IL6ST: variants seen among roughly 807,000 people sequenced by gnomAD.
IL6ST encodes interleukin-6 receptor subunit beta.
In IL6ST, 24 loss-of-function variants were observed where a neutral mutation model predicts 91.3. The ratio of observed to expected loss-of-function variants is 0.26; its 90% CI spans 0.19 to 0.37. The LOEUF is 0.37. Ranked by LOEUF, IL6ST falls within the 10% of genes least tolerant of loss-of-function variation. The pLI is 1.00. For synonymous variants in IL6ST, 351 were observed against 373.6 expected, an observed-to-expected ratio of 0.94 and a Z score of 0.70; for missense variants, 914 against 1,078.5, an observed-to-expected ratio of 0.85 and a Z score of 2.14.
chr5:55,951,630 A>G (rs748856196), intron 13 of IL6ST, 26 bp from the exon 14 acceptor site: 1 of 1,595,894 alleles, frequency 6.3e-7, no homozygotes. Context: ...ACTGTGCTTC[A>G]TTCAACTATT....
intron 2 of IL6ST, among the ~76,000 whole-genome samples, chr5:55,981,860 A>C (rs1753695240): frequency 6.6e-6 from 1 of 152,216 alleles, no homozygotes; most frequent in Non-Finnish European, 1.5e-5. Flanking sequence ...ATGAAGCCAA[A>C]ACCTAACTAG....
chr5:55,958,828 G>A (rs1454822010), intron 8 of IL6ST, among the ~76,000 whole-genome samples: 3 of 147,060 alleles, frequency 2.0e-5, no homozygotes, highest in African/African-American at 7.6e-5. Flanking sequence ...AATAGAGTGA[G>A]GCACTATTTC....
At chr5:55,960,332 T>A (rs1752234998) in intron 8 of IL6ST, 70 bp downstream of exon 8, 1 of 1,222,440 alleles carries the variant, frequency 8.2e-7, no homozygotes, top group Non-Finnish European at 1.2e-6. Flanking sequence ...GAGGCTATAT[T>A]ATTAAAACCA....
intron 6 of IL6ST, among the ~76,000 whole-genome samples, 187 bp from the exon 7 acceptor site, chr5:55,963,693 T>C (rs1463772311): frequency 6.6e-6 from 1 of 152,180 alleles, no homozygotes; most frequent in African/African-American, 2.4e-5. Flanking sequence ...CTAAAGAATC[T>C]TCAGTTCTCC....
chr5:55,954,754 G>C (rs1191076234), intron 11 of IL6ST, 56 bp downstream of exon 11: 2 of 1,342,636 alleles, frequency 1.5e-6, no homozygotes, highest in Admixed American at 2.3e-5. Context: ...AAAAGAAAAA[G>C]CTGCCTAAAG....
intron 2 of IL6ST, among the ~76,000 whole-genome samples, chr5:55,980,188 C>T (rs1266480534): frequency 1.3e-5 from 2 of 152,222 alleles, no homozygotes; most frequent in African/African-American, 2.4e-5. Context: ...ACCATATACT[C>T]TGCAGCCTTG....
At position 55,947,511 on chromosome 5, in the gene IL6ST, C is replaced by T. The variant is rs1751341121; in HGVS notation, c.1919G>A (p.Cys640Tyr). ...LLTTLLGVLFCFNKRDLIKKH... is the reference protein window; with the variant it reads ...LLTTLLGVLFYFNKRDLIKKH... Reference sequence around the variant, plus strand: ...TACTTACAGGTCTCGCTTATTAAAGCAGAACAGCACTCCCAGAAGAGTTGT... The same window carrying T: ...TACTTACAGGTCTCGCTTATTAAAGTAGAACAGCACTCCCAGAAGAGTTGT... Residue 640 changes from cysteine (C) to tyrosine (Y), a missense_variant, in exon 15 of 17, where the codon TGC becomes TAC. Physicochemically the swap from Cys to Tyr is radical, Grantham distance 194. Coordinates refer to ENST00000381298, the MANE Select transcript of IL6ST (RefSeq NM_002184.4). The T allele has an allele frequency of 6.4e-7, 1 of 1,552,154 alleles. No homozygotes were observed. Among genetic ancestry groups the T allele is most frequent in the Middle Eastern group, 2.1e-4 (1 of 4,806 alleles).
At chr5:55,981,384 C>A (rs749951244) in intron 2 of IL6ST, among the ~76,000 whole-genome samples, 18 of 152,148 alleles carry the variant, frequency 1.2e-4, no homozygotes, top group Non-Finnish European at 2.2e-4. Context: ...GTGGCTCATG[C>A]CTGTAATCCC....
intron 15 of IL6ST, among the ~76,000 whole-genome samples, chr5:55,945,448 A>C (rs1045238634): frequency 6.6e-6 from 1 of 152,088 alleles, no homozygotes; most frequent in African/African-American, 2.4e-5. Flanking sequence ...CATCTGAAGG[A>C]ACAAAATGAA....
intron 14 of IL6ST, among the ~76,000 whole-genome samples, chr5:55,948,727 C>G (rs1156351247): frequency 1.3e-5 from 2 of 152,152 alleles, no homozygotes; most frequent in African/African-American, 2.4e-5. Context: ...TTTGCTCATG[C>G]TGCTCTCTAA....
At chr5:55,982,932 T>C (rs1753745153) in intron 1 of IL6ST, 121 bp from the exon 2 acceptor site, 2 of 392,184 alleles carry the variant, frequency 5.1e-6, no homozygotes, top group Non-Finnish European at 4.5e-6. Context: ...CTACTTTAGA[T>C]ATGTTCTGAG....
At chr5:55,974,634 G>A (rs1439513839) in intron 3 of IL6ST, among the ~76,000 whole-genome samples, 5 of 151,918 alleles carry the variant, frequency 3.3e-5, no homozygotes, top group African/African-American at 9.7e-5. Context: ...ACAGGCGTGC[G>A]GCACTACCGC....
chr5:55,988,455 C>CA, intron 1 of IL6ST, among the ~76,000 whole-genome samples: 1 of 152,182 alleles, frequency 6.6e-6, no homozygotes, highest in East Asian at 1.9e-4. Context: ...ACATAACAGT[C>CA]AAACAAAACA....
chr5:55,941,334 C>T lies in IL6ST; in HGVS notation c.2505G>A (p.Lys835=), dbSNP rs1380056117. 6 of 1,614,076 alleles carry T rather than the reference C, an allele frequency of 3.7e-6. No individual in the cohort carries two copies. Among genetic ancestry groups the T allele is most frequent in the Non-Finnish European group, 4.2e-6 (5 of 1,179,986 alleles). ...SPDISHFERS[K]QVSSVNEEDF... is the part of the protein sequence containing the mutation. ...CTTCCTCATTGACTGATGAAACTTG[C>T]TTTGACCTTTCAAAATGTGAAATAT... Residue 835 remains lysine, a synonymous_variant, in exon 17 of 17, where the codon AAG becomes AAA. Transcript: ENST00000381298.
At chr5:55,980,416 G>T (rs535271076) in intron 2 of IL6ST, among the ~76,000 whole-genome samples, 1 of 152,114 alleles carries the variant, frequency 6.6e-6, no homozygotes, top group African/African-American at 2.4e-5. Flanking sequence ...TGGGCGTGGT[G>T]GTGGGCACCT....
At chr5:55,957,860 T>TA (rs1239411071) in intron 8 of IL6ST, among the ~76,000 whole-genome samples, 1 of 151,958 alleles carries the variant, frequency 6.6e-6, no homozygotes, top group African/African-American at 2.4e-5. Context: ...TTTTTAACAG[T>TA]AAAAAATAAA....
chr5:55,963,908 A>G (rs1408739657), intron 6 of IL6ST, among the ~76,000 whole-genome samples: 1 of 152,166 alleles, frequency 6.6e-6, no homozygotes, highest in Non-Finnish European at 1.5e-5. Flanking sequence ...TCCAAATTCT[A>G]TTTGATATTA....
chr5:55,994,583 G>A (rs1435303355), intron 1 of IL6ST, among the ~76,000 whole-genome samples: 1 of 151,984 alleles, frequency 6.6e-6, no homozygotes, highest in Admixed American at 6.6e-5. Flanking sequence ...TGCGATAATC[G>A]AGGTGACAAA....
Position 55,936,352 on chromosome 5 carries a change from T to TG in IL6ST, c.*4729_*4730insC, listed in dbSNP as rs952955723. The TG allele has an allele frequency of 2.8e-5, 6 of 211,940 alleles. No individual in the cohort carries two copies. The highest frequency in any genetic ancestry group is 1.2e-4 in the African/African-American group (5 of 42,554). The allele number at this position is 211,940 out of a possible 1,614,324, so 13.1% of individuals were successfully genotyped here. On this transcript the variant is annotated 3_prime_UTR_variant, in exon 17 of 17. Transcript: ENST00000381298. ...TGACAACCAAGTAGGTTTTTTTTTT[T>TG]TTTTTTTTTTTTAATGTCCACTAGG... is the stretch of plus-strand genomic sequence containing the variant.
Sources: allele counts gnomAD v4.1 joint callset (sites outside exome capture counted in the v4.1 genomes callset), GRCh38; gene constraint gnomAD v4.1.1; transcripts MANE v1.5; gene names NCBI Gene and HGNC (gene_info 2026-07-23, HGNC 2026-07-21).